The following NRG1 variants were observed in gnomAD, a reference collection of about 807,000 sequenced individuals.
The protein encoded by NRG1 is pro-neuregulin-1, membrane-bound isoform.
Under a neutral mutation model 63.8 loss-of-function variants are expected in NRG1, and 18 were observed. The observed-to-expected ratio is 0.28, with a 90% CI of 0.19 to 0.42. NRG1 has a LOEUF of 0.42. Among genes scored for constraint, NRG1 ranks in the 10% least tolerant of loss-of-function variants. The pLI is 1.00. For synonymous variants in NRG1, 302 were observed against 301.3 expected (o/e 1.00, Z -0.02); for missense variants, 762 against 814.7 (o/e 0.94, Z 0.79).
chr8:32,301,812 A>T (rs1234453430), intron 1 of NRG1, among the ~76,000 whole-genome samples: 3 of 152,208 alleles, frequency 2.0e-5, no homozygotes, highest in African/African-American at 7.2e-5. Context: ...GGTTCCTCCC[A>T]CAACACGTAA....
chr8:32,077,669 G>T (rs753001212), intron 1 of NRG1, among the ~76,000 whole-genome samples: 1 of 152,190 alleles, frequency 6.6e-6, no homozygotes, highest in Non-Finnish European at 1.5e-5. Flanking sequence ...CTGAAATAGT[G>T]TAATTTTACA....
intron 5 of NRG1, among the ~76,000 whole-genome samples, chr8:32,705,628 C>T (rs1035390462): frequency 3.3e-5 from 5 of 152,036 alleles, no homozygotes; most frequent in Non-Finnish European, 4.4e-5. Flanking sequence ...TTGATGAATT[C>T]GAATCAGGAT....
At chr8:32,773,147 T>C (rs1831911787) in intron 7 of NRG1, among the ~76,000 whole-genome samples, 1 of 152,156 alleles carries the variant, frequency 6.6e-6, no homozygotes, top group African/African-American at 2.4e-5. Flanking sequence ...TTAGAGAAAT[T>C]GTATTGAACT....
intron 1 of NRG1, among the ~76,000 whole-genome samples, chr8:31,839,536 C>A (rs1362214698): frequency 1.3e-5 from 2 of 152,076 alleles, no homozygotes; most frequent in African/African-American, 2.4e-5. Flanking sequence ...ACTAAACCTG[C>A]TTGGATATGA....
In NRG1 at chr8:32,688,613, C is replaced by T. The variant is rs184873361; in HGVS notation, c.503-39336C>T. On this transcript the variant is annotated intron_variant, in intron 5 of 11. Transcript: ENST00000356819. ...ATATTTGTTGAATTATGAATGAATA[C>T]CTAATATTGACATGCAAGGAGTTTC... Among the ~76,000 whole-genome samples the T allele has an allele frequency of 3.3e-5, 5 of 152,226 alleles. No homozygotes were observed. The East Asian group carries it at 9.7e-4, about 29-fold the overall frequency.
At chr8:31,793,137 G>A (rs1427688481) in intron 1 of NRG1, among the ~76,000 whole-genome samples, 1 of 152,142 alleles carries the variant, frequency 6.6e-6, no homozygotes, top group Non-Finnish European at 1.5e-5. Context: ...AAGGCCCTTG[G>A]CAATAACTCA....
chr8:32,082,331 A>G (rs1317922885), intron 1 of NRG1, among the ~76,000 whole-genome samples: 2 of 151,982 alleles, frequency 1.3e-5, no homozygotes, highest in African/African-American at 4.8e-5. Context: ...GTTACCCAAT[A>G]GGTATTTTTT....
intron 7 of NRG1, among the ~76,000 whole-genome samples, chr8:32,747,968 T>C (rs1827792812): frequency 1.3e-5 from 2 of 152,014 alleles, no homozygotes; most frequent in Admixed American, 1.3e-4. Context: ...TCCCCAGGCA[T>C]GCCCAGTGAG....
rs1271232865 is a variant in NRG1, at chr8:31,916,897, G to C, written c.37+277466G>C. 2.4e-3 allele frequency among the ~76,000 whole-genome samples: 366 copies of C among 151,724 alleles called. 2 individuals are homozygous for C. The highest frequency in any genetic ancestry group is 8.1e-3 in the African/African-American group (334 of 41,334). On this transcript the variant is annotated intron_variant, in intron 1 of 10. Coordinates refer to the NRG1 transcript ENST00000519301. ...TCCTGACTTTTTAATGATTGCCATT[G>C]TAACTGGTGTGAGATGGTATCTCAT...
chr8:31,924,863 T>A (rs1488218208), intron 1 of NRG1, among the ~76,000 whole-genome samples: 1 of 151,664 alleles, frequency 6.6e-6, no homozygotes, highest in East Asian at 1.9e-4. Flanking sequence ...AATCCAGGGG[T>A]TATTTAAAAA....
At chr8:32,022,747 T>G (rs13276444) in intron 1 of NRG1, among the ~76,000 whole-genome samples, 1 of 152,174 alleles carries the variant, frequency 6.6e-6, no homozygotes, top group East Asian at 1.9e-4. Flanking sequence ...TTGTATATAT[T>G]TTTTTCACTG....
chr8:32,018,189 C>T (rs1311201881), intron 1 of NRG1, among the ~76,000 whole-genome samples: 1 of 152,194 alleles, frequency 6.6e-6, no homozygotes, highest in Non-Finnish European at 1.5e-5. Context: ...AAAAGTATTT[C>T]AACCCCAATT....
At chr8:32,696,442 T>C (rs1246937638) in intron 5 of NRG1, among the ~76,000 whole-genome samples, 1 of 152,144 alleles carries the variant, frequency 6.6e-6, no homozygotes, top group East Asian at 1.9e-4. Flanking sequence ...ATTTAACTCC[T>C]GCAGCAACAA....
chr8:32,325,889 C>T (rs1294960892), intron 1 of NRG1, among the ~76,000 whole-genome samples: 2 of 152,154 alleles, frequency 1.3e-5, no homozygotes, highest in African/African-American at 2.4e-5. Flanking sequence ...GATCATATTC[C>T]TCTTTCGTAA....
intron 1 of NRG1, among the ~76,000 whole-genome samples, chr8:31,652,294 T>C (rs1316526703): frequency 6.6e-6 from 1 of 152,238 alleles, no homozygotes; most frequent in African/African-American, 2.4e-5. Flanking sequence ...TTCTCTGTAA[T>C]AGATTCTTAC....
chr8:31,766,325 C>A (rs1818055699), intron 1 of NRG1, among the ~76,000 whole-genome samples: 1 of 152,142 alleles, frequency 6.6e-6, no homozygotes, highest in African/African-American at 2.4e-5. Context: ...AGTGTCTTCA[C>A]CCCTCTGTTA....
chr8:32,456,611 C>A (rs1295048059), intron 1 of NRG1, among the ~76,000 whole-genome samples: 1 of 152,184 alleles, frequency 6.6e-6, no homozygotes, highest in Non-Finnish European at 1.5e-5. Flanking sequence ...CTTTATCTAG[C>A]TTACTTTACT....
chr8:31,789,228 T>A (rs2131648681), intron 1 of NRG1, among the ~76,000 whole-genome samples: 1 of 152,274 alleles, frequency 6.6e-6, no homozygotes, highest in Non-Finnish European at 1.5e-5. Context: ...ATAAAGTGGT[T>A]TAGAGTCAAT....
chr8:32,373,460 G>T (rs911246129), intron 1 of NRG1, among the ~76,000 whole-genome samples: 2 of 138,856 alleles, frequency 1.4e-5, no homozygotes, highest in East Asian at 4.4e-4. Context: ...TATGCCTGAG[G>T]TGTTTATTTC....
Sources: allele counts gnomAD v4.1 joint callset (sites outside exome capture counted in the v4.1 genomes callset), GRCh38; gene constraint gnomAD v4.1.1; transcripts MANE v1.5; gene names NCBI Gene and HGNC (gene_info 2026-07-23, HGNC 2026-07-21).